The following SOX6 variants were observed in gnomAD, a reference collection of about 807,000 sequenced individuals.
SOX6 encodes the protein SRY-box transcription factor 6.
In SOX6, 11 loss-of-function variants were observed where a neutral mutation model predicts 97.8. The ratio of observed to expected loss-of-function variants is 0.11; its 90% confidence interval spans 0.07 to 0.19. SOX6 has a LOEUF of 0.19. Ranked by LOEUF, SOX6 falls within the 10% of genes least tolerant of loss-of-function variation. The pLI, the probability that SOX6 is intolerant of heterozygous loss-of-function variation, is 1.00. For synonymous variants in SOX6, 360 were observed against 371.4 expected (o/e 0.97, Z 0.35); for missense variants, 810 against 1,039.5 (o/e 0.78, Z 3.04).
intron 4 of SOX6, among the ~76,000 whole-genome samples, chr11:16,599,277 A>C (rs972494668): frequency 6.6e-6 from 1 of 152,294 alleles, no homozygotes; most frequent in African/African-American, 2.4e-5. Flanking sequence ...CCACAATAAA[A>C]TGTTCGTAGA....
chr11:16,559,181 G>GA (rs557587128), intron 4 of SOX6, among the ~76,000 whole-genome samples: 32 of 151,540 alleles, frequency 2.1e-4, no homozygotes, highest in East Asian at 5.8e-4. Flanking sequence ...TATTTGCTAG[G>GA]AAAAAAAATC....
intron 4 of SOX6, among the ~76,000 whole-genome samples, chr11:16,589,692 TAGAG>T (rs1848129319): frequency 6.6e-6 from 1 of 152,162 alleles, no homozygotes; most frequent in African/African-American, 2.4e-5. Context: ...CAATTTGAGA[TAGAG>T]ATTTATATCT....
Position 15,967,309 on chromosome 11 carries a change from C to T in SOX6, c.*5500G>A, listed in dbSNP as rs898732339. ...GAACCAAAGCACAGTACCTTGACAA[C>T]AGAGTTGCAGTTGTCCCAACAGCCC... On this transcript the variant is annotated 3_prime_UTR_variant, in exon 16 of 16. Transcript: ENST00000683767. The T allele has an allele frequency of 3.3e-5, 5 of 152,206 alleles. No individual in the cohort carries two copies. The highest frequency in any genetic ancestry group is 7.3e-5 in the Non-Finnish European group (5 of 68,034). The allele number at this position is 152,206 out of a possible 1,614,324, so 9.4% of individuals were successfully genotyped here.
chr11:16,506,279 T>C (rs1390031563), intron 4 of SOX6, among the ~76,000 whole-genome samples: 1 of 151,736 alleles, frequency 6.6e-6, no homozygotes, highest in Non-Finnish European at 1.5e-5. Flanking sequence ...AGACAAGGAG[T>C]TGAAGGAGAT....
chr11:16,288,579 A>G (rs1329444244), intron 3 of SOX6, among the ~76,000 whole-genome samples: 1 of 152,042 alleles, frequency 6.6e-6, no homozygotes, highest in Non-Finnish European at 1.5e-5. Context: ...ACTTTTTAGT[A>G]AGATATTTTA....
intron 1 of SOX6, among the ~76,000 whole-genome samples, chr11:16,455,462 C>T (rs1382349549): frequency 1.3e-5 from 2 of 151,952 alleles, no homozygotes; most frequent in Non-Finnish European, 2.9e-5. Context: ...TTCTACTCTT[C>T]AACGCAGAAA....
chr11:16,498,112 T>A (rs1028721401), intron 4 of SOX6, among the ~76,000 whole-genome samples: 9 of 152,210 alleles, frequency 5.9e-5, no homozygotes, highest in Non-Finnish European at 2.9e-5. Context: ...GACTAACAGC[T>A]GATCTCTTGG....
intron 1 of SOX6, among the ~76,000 whole-genome samples, chr11:16,412,881 C>G (rs567480120): frequency 4.6e-5 from 7 of 152,220 alleles, no homozygotes; most frequent in South Asian, 4.1e-4. Context: ...ACTGGCCTGG[C>G]TTGGATAGCA....
chr11:16,011,089 T>C (rs554673292), intron 13 of SOX6, among the ~76,000 whole-genome samples: 1 of 152,194 alleles, frequency 6.6e-6, no homozygotes, highest in African/African-American at 2.4e-5. Flanking sequence ...GTCTAGTCTG[T>C]AGGCAACCTT....
At chr11:16,108,827 C>T (rs554522311) in intron 7 of SOX6, among the ~76,000 whole-genome samples, 1 of 152,260 alleles carries the variant, frequency 6.6e-6, no homozygotes, top group East Asian at 1.9e-4. Context: ...CAGGTCAAAT[C>T]ATAGGGTGGG....
chr11:16,331,792 A>G (rs982518338), intron 2 of SOX6, among the ~76,000 whole-genome samples: 4 of 152,200 alleles, frequency 2.6e-5, no homozygotes, highest in African/African-American at 9.6e-5. Flanking sequence ...AAGGCAGCAA[A>G]TTAAAAGTCT....
At chr11:16,425,163 T>A (rs1050820329) in intron 1 of SOX6, among the ~76,000 whole-genome samples, 1 of 152,254 alleles carries the variant, frequency 6.6e-6, no homozygotes, top group Non-Finnish European at 1.5e-5. Context: ...TTTTTCTTCA[T>A]TCCCTTTGGA....
intron 1 of SOX6, among the ~76,000 whole-genome samples, chr11:16,436,981 C>T (rs2133081781): frequency 6.6e-6 from 1 of 152,066 alleles, no homozygotes; most frequent in South Asian, 2.1e-4. Context: ...GCCTGGCCAA[C>T]TGTGGTGGCT....
At chr11:16,065,986 A>G (rs1263621181) in intron 9 of SOX6, among the ~76,000 whole-genome samples, 1 of 152,176 alleles carries the variant, frequency 6.6e-6, no homozygotes, top group East Asian at 1.9e-4. Context: ...AATCCCAATA[A>G]TGGGAGAAAA....
chr11:16,577,122 G>C (rs1175182925), intron 4 of SOX6: 1 of 152,134 alleles, frequency 6.6e-6, no homozygotes, highest in Non-Finnish European at 1.5e-5. Context: ...GAAAGTTAAA[G>C]GAAGAAAGGA....
At chr11:16,464,371 C>T (rs1859988033) in intron 1 of SOX6, among the ~76,000 whole-genome samples, 1 of 150,826 alleles carries the variant, frequency 6.6e-6, no homozygotes, top group Non-Finnish European at 1.5e-5. Context: ...ACCCTGCATA[C>T]AATTTAAGAT....
At chr11:16,711,143 C>A (rs981009298) in intron 3 of SOX6, among the ~76,000 whole-genome samples, 6 of 152,200 alleles carry the variant, frequency 3.9e-5, no homozygotes. Context: ...AACAGCTTCA[C>A]TTCTACTCTT....
intron 3 of SOX6, chr11:16,315,268 C>T (rs930179193): frequency 2.0e-5 from 3 of 151,922 alleles, no homozygotes; most frequent in African/African-American, 7.3e-5. Flanking sequence ...GTGTATTTTA[C>T]CTTATGCATT....
chr11:16,122,710 C>T (rs571638172), intron 6 of SOX6, among the ~76,000 whole-genome samples: 8 of 152,144 alleles, frequency 5.3e-5, no homozygotes, highest in African/African-American at 1.9e-4. Flanking sequence ...GCACAAGTAA[C>T]TTAAAGGCAA....
Sources: gnomAD v4.1 joint callset for allele counts (sites outside exome capture counted in the v4.1 genomes callset) on GRCh38, gnomAD v4.1.1 for gene constraint, MANE v1.5 for transcripts, NCBI Gene and HGNC (gene_info 2026-07-23, HGNC 2026-07-21) for gene names.